Variants in BCAR3 observed in about 807,000 individuals in gnomAD.
The protein encoded by BCAR3 is BCAR3 adaptor protein, NSP family member, also known as breast cancer anti-estrogen resistance protein 3.
Under a neutral mutation model 80.1 loss-of-function variants are expected in BCAR3, and 37 were observed. That is an observed-to-expected ratio of 0.46 (90% CI 0.36 to 0.61). The LOEUF (loss-of-function observed/expected upper bound fraction) is 0.61. BCAR3 is among the 20% of genes least tolerant of loss of function. BCAR3 has a pLI of 0.00. For synonymous variants in BCAR3, 389 were observed against 418.9 expected (o/e 0.93, Z 0.87); for missense variants, 978 against 1,068.2 (o/e 0.92, Z 1.18).
chr1:93,640,836 C>A (rs1216661568), intron 3 of BCAR3, among the ~76,000 whole-genome samples: 1 of 152,240 alleles, frequency 6.6e-6, no homozygotes, highest in East Asian at 1.9e-4. Flanking sequence ...AGGCAGTACA[C>A]TTGCTGAGCA....
intron 2 of BCAR3, among the ~76,000 whole-genome samples, chr1:93,658,584 GGA>G (rs1009002288): frequency 1.4e-4 from 21 of 152,114 alleles, no homozygotes; most frequent in Non-Finnish European, 2.2e-4. Context: ...CCCTGGAGGT[GGA>G]GGTTGCAGTG....
intron 2 of BCAR3, among the ~76,000 whole-genome samples, chr1:93,783,561 G>A (rs1222659845): frequency 6.6e-6 from 1 of 151,712 alleles, no homozygotes; most frequent in Non-Finnish European, 1.5e-5. Flanking sequence ...CTAAATTGTA[G>A]CAAATAATTG....
intron 2 of BCAR3, among the ~76,000 whole-genome samples, chr1:93,668,076 C>T (rs1221923690): frequency 2.0e-5 from 3 of 152,128 alleles, no homozygotes; most frequent in Non-Finnish European, 2.9e-5. Context: ...TCACCTTTCC[C>T]AAATAGCATG....
At chr1:93,743,549 C>T (rs1170168279) in intron 2 of BCAR3, among the ~76,000 whole-genome samples, 2 of 152,224 alleles carry the variant, frequency 1.3e-5, no homozygotes, top group Non-Finnish European at 2.9e-5. Context: ...TCCCTGTACA[C>T]TGTTAAAACA....
At chr1:93,837,203 C>A (rs1654802247) in intron 2 of BCAR3, among the ~76,000 whole-genome samples, 2 of 151,984 alleles carry the variant, frequency 1.3e-5, no homozygotes, top group South Asian at 4.1e-4. Context: ...AGTGACAAAG[C>A]AAGACTCTGT....
intron 2 of BCAR3, among the ~76,000 whole-genome samples, chr1:93,725,708 TCTCTC>T (rs1650558530): frequency 6.6e-6 from 1 of 152,252 alleles, no homozygotes; most frequent in Admixed American, 6.5e-5. Context: ...TCTTCAGTAT[TCTCTC>T]TAAAAGTTTT....
At chr1:93,828,000 T>C (rs115657727) in intron 2 of BCAR3, among the ~76,000 whole-genome samples, 1,985 of 152,244 alleles carry the variant, frequency 0.013, 37 homozygotes, top group African/African-American at 0.046. Context: ...GGATAGTGAC[T>C]CATGCCTGTA....
intron 3 of BCAR3, among the ~76,000 whole-genome samples, chr1:93,704,075 G>C (rs1649745053): frequency 6.6e-6 from 1 of 152,232 alleles, no homozygotes; most frequent in Non-Finnish European, 1.5e-5. Context: ...CATCATCACA[G>C]AAATTGCCAT....
At chr1:93,835,527 C>T (rs557906011) in intron 2 of BCAR3, among the ~76,000 whole-genome samples, 7 of 152,336 alleles carry the variant, frequency 4.6e-5, no homozygotes, top group African/African-American at 1.7e-4. Flanking sequence ...ATATCTTCTT[C>T]CAGCCTCACA....
intron 2 of BCAR3, among the ~76,000 whole-genome samples, chr1:93,794,351 CATAA>C (rs1386870322): frequency 5.5e-5 from 1 of 18,236 alleles, no homozygotes; most frequent in Non-Finnish European, 7.8e-5. Flanking sequence ...GTATTGGGTG[CATAA>C]ATATTTAGGA....
At chr1:93,769,892 A>G (rs1652294869) in intron 2 of BCAR3, among the ~76,000 whole-genome samples, 1 of 152,142 alleles carries the variant, frequency 6.6e-6, no homozygotes, top group African/African-American at 2.4e-5. Context: ...GTGGGCCACC[A>G]GGAGAGTTAC....
intron 3 of BCAR3, among the ~76,000 whole-genome samples, chr1:93,609,507 C>T (rs975322247): frequency 4.6e-5 from 7 of 152,168 alleles, no homozygotes; most frequent in African/African-American, 4.8e-5. Flanking sequence ...CTTCCTCAGG[C>T]GCAAACATTG....
intron 2 of BCAR3, among the ~76,000 whole-genome samples, chr1:93,844,996 C>T (rs1400294240): frequency 6.6e-6 from 1 of 152,246 alleles, no homozygotes; most frequent in East Asian, 1.9e-4. Context: ...TTCCATGATA[C>T]AGGAATTTTT....
chr1:93,576,915 G>A, intron 7 of BCAR3, among the ~76,000 whole-genome samples: 1 of 152,210 alleles, frequency 6.6e-6, no homozygotes, highest in East Asian at 1.9e-4. Flanking sequence ...AGTGCTTTGG[G>A]AGGCCAAGGT....
chr1:93,788,826 C>T (rs986226121), intron 2 of BCAR3, among the ~76,000 whole-genome samples: 1 of 152,108 alleles, frequency 6.6e-6, no homozygotes, highest in African/African-American at 2.4e-5. Flanking sequence ...CTGCTCAGTC[C>T]CAACTACCAC....
At chr1:93,662,051 T>C (rs2101932049) in intron 2 of BCAR3, among the ~76,000 whole-genome samples, 1 of 152,354 alleles carries the variant, frequency 6.6e-6, no homozygotes, top group Non-Finnish European at 1.5e-5. Flanking sequence ...GGATACTTCA[T>C]GATTAAAGCA....
chr1:93,612,478 A>G (rs757706153), intron 3 of BCAR3, among the ~76,000 whole-genome samples: 40 of 151,956 alleles, frequency 2.6e-4, no homozygotes, highest in Non-Finnish European at 4.9e-4. Context: ...CCAAACAGAA[A>G]CTCATCCCTC....
intron 2 of BCAR3, among the ~76,000 whole-genome samples, chr1:93,723,934 C>G (rs565057432): frequency 6.6e-6 from 1 of 152,122 alleles, no homozygotes; most frequent in Non-Finnish European, 1.5e-5. Flanking sequence ...AAGGAGATGT[C>G]GAATTCCATT....
chr1:93,833,785 C>T (rs1654665357), intron 2 of BCAR3, among the ~76,000 whole-genome samples: 1 of 152,172 alleles, frequency 6.6e-6, no homozygotes, highest in South Asian at 2.1e-4. Context: ...AACACACATG[C>T]TTTACAAACA....
Sources: gnomAD v4.1 joint callset for allele counts (sites outside exome capture counted in the v4.1 genomes callset) on GRCh38, gnomAD v4.1.1 for gene constraint, MANE v1.5 for transcripts, NCBI Gene and HGNC (gene_info 2026-07-23, HGNC 2026-07-21) for gene names.